ATP8A2: variants seen among roughly 807,000 people sequenced by gnomAD.
ATP8A2 encodes the protein phospholipid-transporting ATPase IB.
Under a neutral mutation model 165.6 loss-of-function variants are expected in ATP8A2, and 100 were observed. The observed-to-expected ratio is 0.60, with a 90% CI of 0.51 to 0.71. ATP8A2 has a LOEUF of 0.71. Among genes scored for constraint, ATP8A2 ranks in the 30% least tolerant of loss-of-function variants. ATP8A2 has a pLI of 0.00. For synonymous variants in ATP8A2, 543 were observed against 548.8 expected (o/e 0.99, Z 0.15); for missense variants, 1,227 against 1,479.5 (o/e 0.83, Z 2.80).
At chr13:25,656,968 G>A (rs1347526048) in intron 24 of ATP8A2, among the ~76,000 whole-genome samples, 4 of 132,170 alleles carry the variant, frequency 3.0e-5, no homozygotes, top group Non-Finnish European at 1.5e-5. Flanking sequence ...AAGGACAATC[G>A]CTTGAACCCA....
At chr13:25,708,537 A>G (rs1018110149) in intron 25 of ATP8A2, among the ~76,000 whole-genome samples, 1 of 152,162 alleles carries the variant, frequency 6.6e-6, no homozygotes. Context: ...CTCCTGAATT[A>G]TCAATGCTTT....
At chr13:25,595,509 G>T (rs1025006131) in intron 24 of ATP8A2, among the ~76,000 whole-genome samples, 9 of 152,088 alleles carry the variant, frequency 5.9e-5, no homozygotes, top group African/African-American at 2.2e-4. Context: ...GAAATCTCTT[G>T]CCCTGGTTCC....
At chr13:25,985,566 C>T (rs1298996093) in intron 35 of ATP8A2, among the ~76,000 whole-genome samples, 1 of 152,194 alleles carries the variant, frequency 6.6e-6, no homozygotes, top group Non-Finnish European at 1.5e-5. Flanking sequence ...TCGATCAATC[C>T]CCAGCCAGAA....
intron 24 of ATP8A2, among the ~76,000 whole-genome samples, chr13:25,637,921 T>A (rs891181069): frequency 1.3e-5 from 2 of 152,142 alleles, no homozygotes; most frequent in African/African-American, 4.8e-5. Context: ...TCCAGAGGAA[T>A]GATCAGACAG....
At chr13:25,911,003 T>TA (rs1954090480) in intron 33 of ATP8A2, among the ~76,000 whole-genome samples, 1 of 151,986 alleles carries the variant, frequency 6.6e-6, no homozygotes, top group Non-Finnish European at 1.5e-5. Flanking sequence ...GGGGTCTTTT[T>TA]AAAATTACCC....
chr13:25,856,918 G>A lies in ATP8A2; in HGVS notation c.2957-3277G>A, dbSNP rs377276343. 8.5e-5 allele frequency among the ~76,000 whole-genome samples: 13 copies of A among 152,320 alleles called. 1 individual carries two copies. Among genetic ancestry groups the A allele is most frequent in the Admixed American group, 6.5e-4 (10 of 15,296 alleles). ...GATAGACTGCTACAGTCATTTCTAA[G>A]CTGGCTTTGCATTTATTATTATCCT... On this transcript the variant is annotated intron_variant, in intron 30 of 36. Transcript: ENST00000381655.
rs374761586 is a variant in ATP8A2 at position 25,769,139 on chromosome 13, C to G, written c.2478C>G (p.Val826=). ...CCATCGGAGACGGCGCCAACGATGT[C>G]GGGATGATCCAGACAGCCCACGTGG... is the stretch of plus-strand genomic sequence containing the variant. ...TLAIGDGAND[V]GMIQTAHVGV... Residue 826 remains valine, a synonymous_variant, in exon 26 of 37, where the codon GTC becomes GTG. Transcript: ENST00000381655. The G allele has an allele frequency of 9.9e-6, 16 of 1,613,992 alleles. No homozygotes were observed. Among genetic ancestry groups the G allele is most frequent in the Non-Finnish European group, 1.4e-5 (16 of 1,180,018 alleles).
At chr13:25,448,968 A>G (rs566396869) in intron 1 of ATP8A2, among the ~76,000 whole-genome samples, 102 of 152,264 alleles carry the variant, frequency 6.7e-4, no homozygotes, top group East Asian at 3.3e-3. Context: ...CCCAGCCAAT[A>G]AAGTTCTTAA....
chr13:25,537,317 G>A (rs989493653), intron 6 of ATP8A2, among the ~76,000 whole-genome samples: 1 of 152,160 alleles, frequency 6.6e-6, no homozygotes, highest in Non-Finnish European at 1.5e-5. Context: ...TTTAATCAGA[G>A]CATTGGCCTT....
chr13:25,892,223 C>A (rs186349579), intron 33 of ATP8A2, among the ~76,000 whole-genome samples: 55 of 151,984 alleles, frequency 3.6e-4, no homozygotes, highest in African/African-American at 1.1e-3. Flanking sequence ...ATGATCCACC[C>A]GCCTCAGCCT....
At chr13:25,579,489 A>G (rs149735318) in intron 21 of ATP8A2, among the ~76,000 whole-genome samples, 1 of 152,088 alleles carries the variant, frequency 6.6e-6, no homozygotes, top group African/African-American at 2.4e-5. Context: ...CTTGAAACAC[A>G]CTTCCCACCT....
intron 28 of ATP8A2, among the ~76,000 whole-genome samples, chr13:25,832,191 G>C (rs1172021223): frequency 6.6e-6 from 1 of 152,082 alleles, no homozygotes. Context: ...GCCTGCCTCG[G>C]CCCCCCAGAG....
intron 25 of ATP8A2, among the ~76,000 whole-genome samples, chr13:25,746,263 A>G (rs1218020235): frequency 2.0e-5 from 3 of 152,180 alleles, no homozygotes; most frequent in African/African-American, 7.2e-5. Context: ...TCGTGAAAAG[A>G]AGGAAGTCTT....
chr13:25,933,281 G>T (rs1001074603), intron 33 of ATP8A2, among the ~76,000 whole-genome samples: 1 of 152,140 alleles, frequency 6.6e-6, no homozygotes, highest in African/African-American at 2.4e-5. Context: ...GATGTTCTTG[G>T]ATTCCCTTCC....
chr13:25,374,354 G>GT (rs1202058881), intron 1 of ATP8A2, among the ~76,000 whole-genome samples: 5 of 152,206 alleles, frequency 3.3e-5, no homozygotes, highest in African/African-American at 1.2e-4. Context: ...AATAGAGCAG[G>GT]TGTAAGAGTA....
At chr13:25,382,576 C>T (rs528876158) in intron 1 of ATP8A2, among the ~76,000 whole-genome samples, 15 of 152,164 alleles carry the variant, frequency 9.9e-5, no homozygotes, top group Non-Finnish European at 1.6e-4. Context: ...TCCTATTGCT[C>T]CATATCCTCA....
chr13:25,875,997 G>A lies in ATP8A2; in HGVS notation c.3183+13589G>A, dbSNP rs528594643. On this transcript the variant is annotated intron_variant, in intron 33 of 36. Coordinates refer to ENST00000381655, the MANE Select transcript of ATP8A2 (RefSeq NM_016529.6). Reference sequence around the variant, plus strand: ...CCCTAAACCAACACATGGTTGGGCAGCATTGTCATTATGATGTTCAAGGGA... The same window carrying A: ...CCCTAAACCAACACATGGTTGGGCAACATTGTCATTATGATGTTCAAGGGA... 3.3e-5 allele frequency among the ~76,000 whole-genome samples: 5 copies of A among 152,326 alleles called. No individual in the cohort carries two copies. In the South Asian group the frequency reaches 1.0e-3, roughly 32 times the overall value.
chr13:25,539,892 C>T (rs1242130678), intron 7 of ATP8A2, among the ~76,000 whole-genome samples: 2 of 152,316 alleles, frequency 1.3e-5, no homozygotes, highest in African/African-American at 2.4e-5. Flanking sequence ...CCTTCAACTC[C>T]TCTGGCTGTT....
At chr13:25,796,792 C>T (rs575244856) in intron 27 of ATP8A2, among the ~76,000 whole-genome samples, 1 of 152,238 alleles carries the variant, frequency 6.6e-6, no homozygotes, top group South Asian at 2.1e-4. Context: ...TAGCCAAGAA[C>T]AGTGTAGTTC....
Sources: gnomAD v4.1 joint callset for allele counts (sites outside exome capture counted in the v4.1 genomes callset) on GRCh38, gnomAD v4.1.1 for gene constraint, MANE v1.5 for transcripts, NCBI Gene and HGNC (gene_info 2026-07-23, HGNC 2026-07-21) for gene names.